Variants in GPC3 observed in about 807,000 individuals in gnomAD.
GPC3 encodes glypican-3.
Under a neutral mutation model 34.4 loss-of-function variants are expected in GPC3, and 3 were observed. The observed-to-expected ratio is 0.09, with a 90% CI of 0.04 to 0.23. The LOEUF is 0.23. Ranked by LOEUF, GPC3 falls within the 10% of genes least tolerant of loss-of-function variation. The probability of loss-of-function intolerance (pLI) is 1.00; values close to 1 mark genes in which losing one functional copy is unlikely to be tolerated. For synonymous variants in GPC3, 177 were observed against 174.0 expected (o/e 1.02, Z -0.13); for missense variants, 351 against 445.6 (o/e 0.79, Z 1.91).
chrX:133,653,417 TGGAAGGA>T (rs1386643982), intron 6 of GPC3, among the ~76,000 whole-genome samples: 1 of 111,741 alleles, frequency 8.9e-6, no homozygotes, highest in African/African-American at 3.3e-5. Context: ...TTTGTCATTC[TGGAAGGA>T]GGAAGGAGGC....
chrX:133,899,248 T>C lies in GPC3; in HGVS notation c.337+53802A>G, dbSNP rs748067921. ...TTCATTATAAGGAACATCAGTCTCA[T>C]ATGGTGTAGGACACAGAGCTGGGTG... On this transcript the variant is annotated intron_variant, in intron 2 of 7. Coordinates refer to ENST00000370818, the MANE Select transcript of GPC3 (RefSeq NM_004484.4). 2.7e-5 allele frequency among the ~76,000 whole-genome samples: 3 copies of C among 112,223 alleles called. No homozygotes were observed. The South Asian group carries it at 1.1e-3, about 42-fold the overall frequency.
intron 3 of GPC3, among the ~76,000 whole-genome samples, chrX:133,733,755 TA>T (rs971234792): frequency 8.1e-5 from 9 of 110,860 alleles, no homozygotes; most frequent in South Asian, 3.8e-4. Context: ...AAGAGAATAT[TA>T]AAAAAAACTG....
intron 2 of GPC3, among the ~76,000 whole-genome samples, chrX:133,909,507 A>G (rs774932019): frequency 8.9e-6 from 1 of 112,016 alleles, no homozygotes; most frequent in African/African-American, 3.2e-5. Flanking sequence ...ACTTTCTTCA[A>G]TATGAATGTT....
At chrX:133,741,724 C>T (rs2124471463) in intron 3 of GPC3, among the ~76,000 whole-genome samples, 1 of 112,828 alleles carries the variant, frequency 8.9e-6, no homozygotes, top group South Asian at 3.6e-4. Flanking sequence ...TTTAAATGAG[C>T]TGATCCATGT....
At chrX:133,954,977 G>A (rs1330472032) in intron 1 of GPC3, among the ~76,000 whole-genome samples, 1 of 110,237 alleles carries the variant, frequency 9.1e-6, no homozygotes, top group Non-Finnish European at 1.9e-5. Flanking sequence ...TCGAACTCCT[G>A]CCCTCAGGTG....
chrX:133,951,802 G>A (rs1025533697), intron 2 of GPC3, among the ~76,000 whole-genome samples: 45 of 111,849 alleles, frequency 4.0e-4, no homozygotes, highest in African/African-American at 1.4e-3. Flanking sequence ...CCAAGAAACT[G>A]TTGTGAATGT....
chrX:133,902,019 G>A (rs1320655939), intron 2 of GPC3, among the ~76,000 whole-genome samples: 1 of 111,713 alleles, frequency 9.0e-6, no homozygotes, highest in African/African-American at 3.3e-5. Flanking sequence ...ACCTACTCTT[G>A]AACTTTACCC....
rs1244657204 is a variant in GPC3, at chrX:133,701,108, T to C, written c.1033-1080A>G. ...CTAAAGCTGACCTCTTTTACACTCA[T>C]ATAGCAATACTTTTTTTAAAATGGC... On this transcript the variant is annotated intron_variant, in intron 3 of 7. Transcript: ENST00000370818. Among the ~76,000 whole-genome samples the C allele has an allele frequency of 2.7e-5, 3 of 111,457 alleles. No individual in the cohort carries two copies. The South Asian group carries it at 1.2e-3, about 43-fold the overall frequency.
intron 2 of GPC3, among the ~76,000 whole-genome samples, chrX:133,882,006 T>G (rs2076043741): frequency 8.9e-6 from 1 of 112,123 alleles, no homozygotes; most frequent in East Asian, 2.8e-4. Context: ...CCCTTATCCC[T>G]CCTTTTCCGT....
At chrX:133,776,597 C>T (rs1015432630) in intron 2 of GPC3, among the ~76,000 whole-genome samples, 1 of 111,856 alleles carries the variant, frequency 8.9e-6, no homozygotes, top group Non-Finnish European at 1.9e-5. Context: ...TTTTCTGAGT[C>T]ATTTGAGCTG....
intron 7 of GPC3, among the ~76,000 whole-genome samples, chrX:133,585,920 A>G (rs1334444319): frequency 8.9e-6 from 1 of 112,133 alleles, no homozygotes; most frequent in Non-Finnish European, 1.9e-5. Context: ...ATATAATACA[A>G]TGGCACTAAA....
At chrX:133,954,738 C>CTTTT (rs1166218378) in intron 1 of GPC3, among the ~76,000 whole-genome samples, 2 of 53,786 alleles carry the variant, frequency 3.7e-5, no homozygotes, top group African/African-American at 7.7e-5. Context: ...CAAACTTTCT[C>CTTTT]TTTTTTTTTT....
chrX:133,659,867 T>C lies in GPC3; in HGVS notation c.1413+1863A>G, dbSNP rs186009746. ...TTTGGTTTGAGATAATTTGTACCAC[T>C]GTCCCCAAGTGAAGCATATCATGCC... On this transcript the variant is annotated intron_variant, in intron 6 of 7. Coordinates refer to ENST00000370818, the MANE Select transcript of GPC3 (RefSeq NM_004484.4). 5.3e-4 allele frequency among the ~76,000 whole-genome samples: 60 copies of C among 112,174 alleles called. No individual in the cohort carries two copies. In the Admixed American group the frequency reaches 5.5e-3, roughly 10 times the overall value.
chrX:133,919,926 G>A (rs2076240796), intron 2 of GPC3, among the ~76,000 whole-genome samples: 1 of 109,386 alleles, frequency 9.1e-6, no homozygotes, highest in Non-Finnish European at 1.9e-5. Context: ...TTTGGAAGCT[G>A]AGGTAGGAGG....
chrX:133,835,843 T>G lies in GPC3; in HGVS notation c.338-81667A>C, dbSNP rs779173275. Among the ~76,000 whole-genome samples, 284 of 113,188 alleles carry G rather than the reference T, an allele frequency of 2.5e-3. 1 individual carries two copies. The highest frequency in any genetic ancestry group is 8.5e-3 in the African/African-American group (264 of 31,214). ...ATCATCCTTTCAAAATGTTCAAATA[T>G]TCACACATTCCAGAATTTAGAGACC... is the stretch of plus-strand genomic sequence containing the variant. On this transcript the variant is annotated intron_variant, in intron 2 of 7. Coordinates refer to ENST00000370818, the MANE Select transcript of GPC3 (RefSeq NM_004484.4).
At chrX:133,893,174 T>C (rs1369836377) in intron 2 of GPC3, among the ~76,000 whole-genome samples, 1 of 111,228 alleles carries the variant, frequency 9.0e-6, no homozygotes, top group African/African-American at 3.3e-5. Context: ...GGAGAATCAC[T>C]TGAACCCAGG....
chrX:133,853,953 C>T (rs1297136476), intron 2 of GPC3, among the ~76,000 whole-genome samples: 1 of 111,856 alleles, frequency 8.9e-6, no homozygotes, highest in Non-Finnish European at 1.9e-5. Context: ...GCCTCAGTTT[C>T]CTTATCCAAA....
At chrX:133,546,679 T>C (rs1202634125) in intron 7 of GPC3, among the ~76,000 whole-genome samples, 1 of 112,087 alleles carries the variant, frequency 8.9e-6, no homozygotes, top group Non-Finnish European at 1.9e-5. Context: ...TTGTATACTT[T>C]AAAATGGTTC....
chrX:133,875,977 T>G (rs181840420), intron 2 of GPC3, among the ~76,000 whole-genome samples: 1 of 111,702 alleles, frequency 9.0e-6, no homozygotes, highest in Non-Finnish European at 1.9e-5. Flanking sequence ...TAAAAAAAAT[T>G]GTCATTTCCT....
Sources: allele counts gnomAD v4.1 joint callset (sites outside exome capture counted in the v4.1 genomes callset), GRCh38; gene constraint gnomAD v4.1.1; transcripts MANE v1.5; gene names NCBI Gene and HGNC (gene_info 2026-07-23, HGNC 2026-07-21).